The following TBCD variants were observed in gnomAD, a reference collection of about 807,000 sequenced individuals.
TBCD encodes tubulin folding cofactor D, also known as tubulin-specific chaperone D.
A neutral mutation model predicts 169.3 loss-of-function variants in TBCD; 105 were observed. That is an observed-to-expected ratio of 0.62 (90% CI 0.53 to 0.73). The LOEUF is 0.73. Ranked by LOEUF, TBCD falls within the 30% of genes least tolerant of loss-of-function variation. The pLI, the probability that TBCD is intolerant of heterozygous loss-of-function variation, is 0.00. For missense variants in TBCD, 1,444 were observed against 1,600.1 expected, an observed-to-expected ratio of 0.90 and a Z score of 1.66; for synonymous variants, 700 against 643.9, an observed-to-expected ratio of 1.09 and a Z score of -1.32.
intron 15 of TBCD, among the ~76,000 whole-genome samples, chr17:82,887,951 C>G (rs898103): frequency 0.6 from 91,085 of 151,972 alleles, 27,594 homozygotes; most frequent in Admixed American, 0.66. Flanking sequence ...TTTTGTAGTT[C>G]TTGAGTTTAG....
Position 82,831,168 on chromosome 17 carries a change from GC to G in TBCD, c.1318+16236del, listed in dbSNP as rs1164547762. 1 of 1,614,002 alleles carries G rather than the reference GC, an allele frequency of 6.2e-7. No individual in the cohort carries two copies. The highest frequency in any genetic ancestry group is 8.5e-7 in the Non-Finnish European group (1 of 1,180,026). ...CTGCCTTGTTGGAGAGGTCGTACAG[GC>G]CTTCGCAGGTCTGGCTCGTCTGCAT... On this transcript the variant is annotated intron_variant, in intron 13 of 38. Coordinates refer to ENST00000355528, the MANE Select transcript of TBCD (RefSeq NM_005993.5). The surrounding 1 kb of genome is among the most constrained non-coding windows in gnomAD (Gnocchi z 4.6).
chr17:82,859,562 C>T (rs914846174), intron 13 of TBCD: 1 of 985,334 alleles, frequency 1.0e-6, no homozygotes, highest in African/African-American at 1.7e-5. Flanking sequence ...GACTTCAGGG[C>T]TACGGAAGTT....
intron 34 of TBCD, among the ~76,000 whole-genome samples, chr17:82,935,092 A>G (rs2062513283): frequency 6.6e-6 from 1 of 152,088 alleles, no homozygotes; most frequent in African/African-American, 2.4e-5. Flanking sequence ...CCAAGATAGG[A>G]TGGTAGAGAA....
chr17:82,928,411 C>G lies in TBCD; in HGVS notation c.2693+423C>G, dbSNP rs2061934199. 2.0e-5 allele frequency among the ~76,000 whole-genome samples: 3 copies of G among 152,228 alleles called. No homozygotes were observed. The South Asian group carries it at 6.2e-4, about 31-fold the overall frequency. ...CACCTGAGGCTGCCATTGGGGCCTG[C>G]CCTTGCTGTGTGTCTCTGTCGGGGG... On this transcript the variant is annotated intron_variant, in intron 30 of 38. Coordinates refer to ENST00000355528, the MANE Select transcript of TBCD (RefSeq NM_005993.5).
chr17:82,834,464 C>A (rs1211684110), intron 13 of TBCD, among the ~76,000 whole-genome samples: 1 of 152,156 alleles, frequency 6.6e-6, no homozygotes, highest in African/African-American at 2.4e-5. Context: ...AGTTAAATGA[C>A]CCAAATGCCT....
rs2050972017 is a variant in TBCD, at chr17:82,806,501, C to G, written c.1087+490C>G. ...ACAGAGACAGAGCCATCAGCGGAGC[C>G]CCTCATGGCGGCCATCCTGGGCTCC... is the stretch of plus-strand genomic sequence containing the variant. On this transcript the variant is annotated intron_variant, in intron 10 of 38. Transcript: ENST00000355528. This position sits in a 1 kb window ranked among gnomAD's most constrained non-coding sequence, Gnocchi z 5.1. 1.3e-5 allele frequency among the ~76,000 whole-genome samples: 2 copies of G among 152,100 alleles called. No individual in the cohort carries two copies. Among genetic ancestry groups the G allele is most frequent in the Admixed American group, 6.6e-5 (1 of 15,262 alleles).
At chr17:82,878,291 C>T (rs1211906951) in intron 14 of TBCD, among the ~76,000 whole-genome samples, 3 of 152,174 alleles carry the variant, frequency 2.0e-5, no homozygotes, top group Non-Finnish European at 1.5e-5. Context: ...AATTCACTTG[C>T]CATAAAATTC....
rs962316243 is a variant in TBCD, at chr17:82,905,191, C to T, written c.1805-745C>T. ...CTCTGTCCTGCTCCGCCCCCTCCAC[C>T]GCCCAGGCAGCCAGGCAGAGCTCCT... On this transcript the variant is annotated intron_variant, in intron 19 of 38. Transcript: ENST00000355528. Among the ~76,000 whole-genome samples, 4 of 152,224 alleles carry T rather than the reference C, an allele frequency of 2.6e-5. 1 individual carries two copies. Among genetic ancestry groups the T allele is most frequent in the South Asian group, 4.1e-4 (2 of 4,836 alleles).
chr17:82,757,850 T>C (rs973525853), intron 2 of TBCD, among the ~76,000 whole-genome samples: 1 of 152,086 alleles, frequency 6.6e-6, no homozygotes, highest in Admixed American at 6.6e-5. Flanking sequence ...CCATATCTTA[T>C]AGGAGGTCTT....
chr17:82,813,455 G>A (rs2051613417), intron 12 of TBCD, among the ~76,000 whole-genome samples: 1 of 152,100 alleles, frequency 6.6e-6, no homozygotes, highest in African/African-American at 2.4e-5. Context: ...CATGGACAGG[G>A]TCCCCTGTCC....
At chr17:82,801,306 T>C (rs2144680200) in intron 9 of TBCD, among the ~76,000 whole-genome samples, 1 of 152,328 alleles carries the variant, frequency 6.6e-6, no homozygotes, top group South Asian at 2.1e-4. Context: ...ACAAGTGTTT[T>C]CTGCTTTCAT....
intron 13 of TBCD, among the ~76,000 whole-genome samples, chr17:82,853,785 A>T (rs1306235071): frequency 6.6e-6 from 1 of 152,150 alleles, no homozygotes; most frequent in Non-Finnish European, 1.5e-5. Flanking sequence ...TTTTAGATGT[A>T]TGTTGAGTAA....
At chr17:82,872,070 C>A (rs962671415) in intron 14 of TBCD, among the ~76,000 whole-genome samples, 1 of 152,174 alleles carries the variant, frequency 6.6e-6, no homozygotes, top group Non-Finnish European at 1.5e-5. Context: ...GACCTCAACC[C>A]GGTTACTTCC....
chr17:82,811,950 C>CTGGGG (rs2051470955), intron 12 of TBCD, among the ~76,000 whole-genome samples: 1 of 152,178 alleles, frequency 6.6e-6, no homozygotes, highest in African/African-American at 2.4e-5. Context: ...CTTTCCTGGG[C>CTGGGG]TGGGTTATGC....
chr17:82,753,867 G>T (rs1003901834), intron 1 of TBCD, among the ~76,000 whole-genome samples: 1 of 112,550 alleles, frequency 8.9e-6, no homozygotes, highest in Non-Finnish European at 1.8e-5. Context: ...CTAGACTAGA[G>T]GTTTTTTTTT....
intron 6 of TBCD, among the ~76,000 whole-genome samples, chr17:82,780,898 G>A (rs1398475717): frequency 3.3e-5 from 5 of 151,862 alleles, no homozygotes; most frequent in East Asian, 2.0e-4. Flanking sequence ...CGCCCTCCTC[G>A]TCCTCCAAAG....
At chr17:82,906,146 C>T (rs2060235217) in intron 20 of TBCD, 93 bp downstream of exon 20, 2 of 990,116 alleles carry the variant, frequency 2.0e-6, no homozygotes, top group East Asian at 2.7e-5. Flanking sequence ...ACTCTCTCAT[C>T]CCTTCTCATT....
chr17:82,939,605 A>T, intron 37 of TBCD, 129 bp downstream of exon 37: 1 of 743,500 alleles, frequency 1.3e-6, no homozygotes, highest in South Asian at 1.7e-5. Flanking sequence ...AGGTCTCCAC[A>T]TCCTCTGCTT....
chr17:82,840,237 G>A (rs376530385), intron 13 of TBCD: 8 of 152,232 alleles, frequency 5.3e-5, no homozygotes, highest in African/African-American at 1.4e-4. Context: ...TGAGTGCGGC[G>A]TCGGTGCTGC....
Sources: gnomAD v4.1 joint callset for allele counts (sites outside exome capture counted in the v4.1 genomes callset) on GRCh38, gnomAD v4.1.1 for gene constraint, Gnocchi (gnomAD v3.1) non-coding constraint, MANE v1.5 for transcripts, NCBI Gene and HGNC (gene_info 2026-07-23, HGNC 2026-07-21) for gene names.